GNG4: variants seen among roughly 807,000 people sequenced by gnomAD.
GNG4 encodes the protein guanine nucleotide-binding protein G(I)/G(S)/G(O) subunit gamma-4.
GNG4 carries 4 observed loss-of-function variants against 5.8 expected under a neutral mutation model. The ratio of observed to expected loss-of-function variants is 0.69; its 90% CI spans 0.34 to 1.57. The LOEUF is 1.57. Ranked by LOEUF, GNG4 falls within the 40% of genes most tolerant of loss-of-function variation. GNG4 has a pLI of 0.06. For missense variants in GNG4, 96 were observed against 95.1 expected, an observed-to-expected ratio of 1.01 and a Z score of -0.04; for synonymous variants, 29 against 32.9, an observed-to-expected ratio of 0.88 and a Z score of 0.41.
intron 3 of GNG4, among the ~76,000 whole-genome samples, chr1:235,559,763 C>T (rs1687011917): frequency 6.6e-6 from 1 of 152,214 alleles, no homozygotes; most frequent in Admixed American, 6.5e-5. Flanking sequence ...GTCAAATGTC[C>T]ATAGCAGCAG....
chr1:235,595,383 T>G lies in GNG4; in HGVS notation c.-11+17A>C, dbSNP rs1013081874. ...GCTGTCCTCCTGCCCCTACACAGGG[T>G]AAGTCACTCTCCTTACCTGCTGAGA... On this transcript the variant is annotated intron_variant, in intron 2 of 3. Coordinates refer to ENST00000391854, the MANE Select transcript of GNG4 (RefSeq NM_001098722.2). 1.3e-5 allele frequency: 2 copies of G among 152,282 alleles called. No homozygotes were observed. Among genetic ancestry groups the G allele is most frequent in the African/African-American group, 4.8e-5 (2 of 41,416 alleles). The allele number at this position is 152,282 out of a possible 1,614,324, so 9.4% of individuals were successfully genotyped here.
chr1:235,632,842 C>T (rs1484824939), intron 1 of GNG4, among the ~76,000 whole-genome samples: 3 of 151,998 alleles, frequency 2.0e-5, no homozygotes, highest in Non-Finnish European at 2.9e-5. Flanking sequence ...AAAGAAAAAA[C>T]GTAGTCACGT....
chr1:235,564,303 G>A (rs1175424439), intron 3 of GNG4, among the ~76,000 whole-genome samples: 1 of 152,154 alleles, frequency 6.6e-6, no homozygotes, highest in African/African-American at 2.4e-5. Flanking sequence ...AGGAAGGTAA[G>A]GGCTGAAAAA....
In GNG4 at chr1:235,592,182, A is replaced by T. The variant is rs554207523; in HGVS notation, c.-11+3218T>A. Among the ~76,000 whole-genome samples the T allele has an allele frequency of 7.2e-5, 11 of 152,202 alleles. No individual in the cohort carries two copies. The East Asian group carries it at 1.2e-3, about 16-fold the overall frequency. On this transcript the variant is annotated intron_variant, in intron 2 of 3. Coordinates refer to ENST00000391854, the MANE Select transcript of GNG4 (RefSeq NM_001098722.2). ...GACCTCAGATGAGGGGGAACTGAGG[A>T]CTCAACTCTGACTGCTGCTTTTGGT...
At chr1:235,598,124 C>T (rs965217035) in intron 1 of GNG4, among the ~76,000 whole-genome samples, 2 of 152,142 alleles carry the variant, frequency 1.3e-5, no homozygotes, top group East Asian at 1.9e-4. Flanking sequence ...TCTCTACCAT[C>T]GGTTCCCCAA....
chr1:235,568,939 G>A (rs1025954586), intron 3 of GNG4, among the ~76,000 whole-genome samples: 1 of 152,000 alleles, frequency 6.6e-6, no homozygotes, highest in Non-Finnish European at 1.5e-5. Flanking sequence ...CAATTCTCCT[G>A]CCTCAGCCAC....
At chr1:235,587,303 A>AGTGT in intron 2 of GNG4, among the ~76,000 whole-genome samples, 1 of 29,982 alleles carries the variant, frequency 3.3e-5, no homozygotes, top group East Asian at 1.9e-3. Context: ...GGTGTGTGTG[A>AGTGT]GGGTGAGGGG....
At chr1:235,576,023 G>A (rs1571887853) in intron 3 of GNG4, among the ~76,000 whole-genome samples, 2 of 151,736 alleles carry the variant, frequency 1.3e-5, no homozygotes, top group East Asian at 1.9e-4. Context: ...ACCGCTTGTC[G>A]GATTTTCTCT....
intron 1 of GNG4, among the ~76,000 whole-genome samples, chr1:235,597,588 CTGTGTGTGTGTGTG>C (rs386417904): frequency 0.055 from 4,087 of 74,220 alleles, 161 homozygotes; most frequent in Middle Eastern, 0.067. Context: ...AACTTGTTTG[CTGTGTGTGTGTGTG>C]TGTGTGTGTG....
At chr1:235,558,291 A>G (rs548522309) in intron 3 of GNG4, among the ~76,000 whole-genome samples, 147 of 152,358 alleles carry the variant, frequency 9.6e-4, no homozygotes, top group Non-Finnish European at 1.8e-3. Flanking sequence ...CTAATACAGC[A>G]TAAGTCATCT....
At chr1:235,604,862 T>C (rs935909738) in intron 1 of GNG4, among the ~76,000 whole-genome samples, 1 of 152,206 alleles carries the variant, frequency 6.6e-6, no homozygotes, top group Non-Finnish European at 1.5e-5. Flanking sequence ...CAGATTTTGT[T>C]GTTGTTGTTC....
chr1:235,642,211 G>A lies in GNG4; in HGVS notation c.-123+7451C>T, dbSNP rs537787212. On this transcript the variant is annotated intron_variant, in intron 1 of 3. Transcript: ENST00000391854. This position sits in a 1 kb window ranked among gnomAD's most constrained non-coding sequence, Gnocchi z 4.3. ...ACCCGAGCGAGGCCCGGCAGGGGCG[G>A]GGTGAGCCTTGGCCCCGCTCCCGTG... 2.4e-3 allele frequency among the ~76,000 whole-genome samples: 361 copies of A among 152,364 alleles called. 1 individual carries two copies. Among genetic ancestry groups the A allele is most frequent in the Non-Finnish European group, 3.7e-3 (254 of 68,042 alleles).
At chr1:235,615,761 TG>T in intron 1 of GNG4, 1 of 251,272 alleles carries the variant, frequency 4.0e-6, no homozygotes, top group Non-Finnish European at 8.1e-6. Context: ...AGGGGGGTGA[TG>T]GAGAAGCTGC....
intron 3 of GNG4, among the ~76,000 whole-genome samples, chr1:235,559,610 C>T (rs1687007133): frequency 6.6e-6 from 1 of 152,136 alleles, no homozygotes; most frequent in Non-Finnish European, 1.5e-5. Flanking sequence ...AGGCTTCCGC[C>T]CTGTGGGTGG....
intron 2 of GNG4, among the ~76,000 whole-genome samples, chr1:235,593,346 G>C (rs968478330): frequency 2.6e-5 from 4 of 152,212 alleles, no homozygotes; most frequent in South Asian, 2.1e-4. Flanking sequence ...TCCATCCCCA[G>C]TGCTTCTGAC....
chr1:235,627,984 C>T lies in GNG4; in HGVS notation c.-123+21678G>A, dbSNP rs994095010. ...TCACCTGAGGTCAGGAGTTCGATAC[C>T]AGCCCGACGAACATGAAGAAACCCC... On this transcript the variant is annotated intron_variant, in intron 1 of 3. Coordinates refer to ENST00000391854, the MANE Select transcript of GNG4 (RefSeq NM_001098722.2). Among the ~76,000 whole-genome samples the T allele has an allele frequency of 2.0e-5, 3 of 152,038 alleles. No individual in the cohort carries two copies. The East Asian group carries it at 5.8e-4, about 29-fold the overall frequency.
At chr1:235,625,922 A>G (rs1234715555) in intron 1 of GNG4, among the ~76,000 whole-genome samples, 3 of 152,222 alleles carry the variant, frequency 2.0e-5, no homozygotes, top group Admixed American at 6.5e-5. Flanking sequence ...TCGTGTGAAC[A>G]TAAGTTTTCA....
Position 235,605,037 on chromosome 1 carries a change from G to A in GNG4, c.-122-9526C>T, listed in dbSNP as rs187649889. The stretch of plus-strand genomic sequence containing the variant: ...TTGTAAAATGAGAAAATTGAGATCC[G>A]GCCAGCTAAGTCATTTGTCCAAAGC... On this transcript the variant is annotated intron_variant, in intron 1 of 3. Coordinates refer to ENST00000391854, the MANE Select transcript of GNG4 (RefSeq NM_001098722.2). Among the ~76,000 whole-genome samples, 139 of 152,136 alleles carry A rather than the reference G, an allele frequency of 9.1e-4. 1 individual carries two copies. The highest frequency in any genetic ancestry group is 2.8e-3 in the African/African-American group (118 of 41,494).
intron 1 of GNG4, among the ~76,000 whole-genome samples, chr1:235,626,824 T>A (rs542581145): frequency 6.6e-6 from 1 of 151,908 alleles, no homozygotes; most frequent in African/African-American, 2.4e-5. Context: ...CTGGGCGTGG[T>A]GGCACATGCC....
Sources: gnomAD v4.1 joint callset for allele counts (sites outside exome capture counted in the v4.1 genomes callset) on GRCh38, gnomAD v4.1.1 for gene constraint, Gnocchi (gnomAD v3.1) non-coding constraint, MANE v1.5 for transcripts, NCBI Gene and HGNC (gene_info 2026-07-23, HGNC 2026-07-21) for gene names.